Variants in SSPN observed in about 807,000 individuals in gnomAD.
SSPN encodes sarcospan.
A neutral mutation model predicts 19.1 loss-of-function variants in SSPN; 15 were observed. That is an observed-to-expected ratio of 0.78 (90% CI 0.52 to 1.21). The LOEUF is 1.21. Ranked by LOEUF, SSPN falls within the 50% of genes most tolerant of loss-of-function variation. SSPN has a pLI of 0.00. For missense variants in SSPN, 291 were observed against 314.0 expected, an observed-to-expected ratio of 0.93 and a Z score of 0.55; for synonymous variants, 147 against 140.3, an observed-to-expected ratio of 1.05 and a Z score of -0.34.
At chr12:26,161,489 ACTC>A (rs1944588619) in intron 1 of SSPN, among the ~76,000 whole-genome samples, 1 of 151,892 alleles carries the variant, frequency 6.6e-6, no homozygotes, top group Non-Finnish European at 1.5e-5. Flanking sequence ...CCACCACTGT[ACTC>A]CTGATCCCCA....
rs144717695 is a variant in SSPN, at chr12:26,188,041, A to G, written c.-30-36252A>G. Among the ~76,000 whole-genome samples, 143 of 152,334 alleles carry G rather than the reference A, an allele frequency of 9.4e-4. 1 individual carries two copies. The highest frequency in any genetic ancestry group is 3.3e-3 in the African/African-American group (138 of 41,570). ...GACTGATTATTGATCCACACCAGGA[A>G]ATGTTCTCCATGTTTGCATCAACTA... On this transcript the variant is annotated intron_variant, in intron 1 of 2. Coordinates refer to the SSPN transcript ENST00000538142.
chr12:26,186,442 A>T (rs1944754933), intron 1 of SSPN, among the ~76,000 whole-genome samples: 1 of 152,270 alleles, frequency 6.6e-6, no homozygotes, highest in African/African-American at 2.4e-5. Flanking sequence ...GCATTTCCTC[A>T]TATGCCAAAT....
intron 1 of SSPN, chr12:26,125,638 A>G (rs538542219): frequency 6.6e-5 from 10 of 152,302 alleles, no homozygotes; most frequent in Admixed American, 5.9e-4. Context: ...GTCGCAATCC[A>G]AGTGTCTTTC....
At chr12:26,172,767 C>CTT (rs59773537) in intron 1 of SSPN, among the ~76,000 whole-genome samples, 1 of 144,880 alleles carries the variant, frequency 6.9e-6, no homozygotes. Flanking sequence ...CTTTCTCTCT[C>CTT]TTTTTTTTTT....
At chr12:26,196,084 G>A in intron 1 of SSPN, 133 bp downstream of exon 1, 1 of 774,656 alleles carries the variant, frequency 1.3e-6, no homozygotes, top group Non-Finnish European at 1.9e-6. Flanking sequence ...TCTGCTCGGT[G>A]ACTGATGCGT....
intron 1 of SSPN, among the ~76,000 whole-genome samples, chr12:26,200,882 C>T (rs944070603): frequency 6.6e-6 from 1 of 151,158 alleles, no homozygotes; most frequent in African/African-American, 2.4e-5. Flanking sequence ...TTACATGGCC[C>T]AACTCAATCT....
At chr12:26,155,554 T>C (rs74947006) in intron 1 of SSPN, among the ~76,000 whole-genome samples, 2,138 of 152,294 alleles carry the variant, frequency 0.014, 54 homozygotes, top group African/African-American at 0.049. Flanking sequence ...AGTAATAGAC[T>C]GATGACCACT....
Position 26,230,747 on chromosome 12 carries a change from G to T in SSPN, c.403G>T (p.Val135Phe), listed in dbSNP as rs189138467. ...YFLLSALGLT[V>F]CVLAVAFAAH... Reference sequence around the variant, plus strand: ...TCTGCTGAGTGCCCTGGGCCTGACGGTCTGTGTGCTGGCCGTGGCCTTTGC... The same window carrying T: ...TCTGCTGAGTGCCCTGGGCCTGACGTTCTGTGTGCTGGCCGTGGCCTTTGC... Residue 135 changes from valine to phenylalanine, a missense_variant, in exon 3 of 3, where the codon GTC becomes TTC. By Grantham distance (50) the Val-to-Phe change is conservative. Around this residue, in one of 3 missense-constraint regions of SSPN, gnomAD observed 141 missense variants for 166.7 expected, o/e 0.85. Transcript: ENST00000242729. The T allele has an allele frequency of 1.7e-5, 27 of 1,614,142 alleles. No individual in the cohort carries two copies. The East Asian group carries it at 5.6e-4, about 33-fold the overall frequency.
chr12:26,166,428 A>T (rs987676693), intron 1 of SSPN, among the ~76,000 whole-genome samples: 1 of 152,238 alleles, frequency 6.6e-6, no homozygotes, highest in African/African-American at 2.4e-5. Flanking sequence ...GAAAGGAACC[A>T]TCAAAATTAC....
intron 1 of SSPN, 82 bp downstream of exon 1, chr12:26,196,033 C>A: frequency 2.6e-6 from 3 of 1,134,294 alleles, no homozygotes; most frequent in Non-Finnish European, 3.5e-6. Flanking sequence ...ACTAACCCAG[C>A]TGCATGTGCC....
intron 1 of SSPN, chr12:26,122,937 G>A (rs918865287): frequency 1.3e-6 from 2 of 1,552,946 alleles, no homozygotes. Flanking sequence ...GGCGGCCGAG[G>A]GAGCGCCGGT....
At chr12:26,162,880 T>A (rs1015737954) in intron 1 of SSPN, among the ~76,000 whole-genome samples, 2 of 152,220 alleles carry the variant, frequency 1.3e-5, no homozygotes, top group Non-Finnish European at 2.9e-5. Flanking sequence ...TAAGTTAATA[T>A]GTTGCCTGAA....
At position 26,124,286 on chromosome 12, in the gene SSPN, T is replaced by C. The variant is rs975343357; in HGVS notation, c.-31+2134T>C. 2.5e-5 allele frequency: 13 copies of C among 526,934 alleles called. No homozygotes were observed. In the African/African-American group the frequency reaches 2.9e-4, roughly 12 times the overall value. 32.6% of individuals were successfully genotyped at this position (526,934 alleles called of 1,614,324 possible). A position where few individuals can be genotyped will look rare whatever the true frequency, so the allele number is the denominator to read the frequency against. On this transcript the variant is annotated intron_variant, in intron 1 of 2. Transcript: ENST00000538142. ...CGCCCCCCCACCATAAAACATACTA[T>C]GTGATAAACTACACCCAAGAAACCT...
Position 26,233,372 on chromosome 12 carries a change from A to G in SSPN, c.*2296A>G, listed in dbSNP as rs1032036697. Reference sequence around the variant, plus strand: ...TATACACATACACACACACACACACATATATACTATACATATATAAAATGG... The same window carrying G: ...TATACACATACACACACACACACACGTATATACTATACATATATAAAATGG... On this transcript the variant is annotated 3_prime_UTR_variant, in exon 3 of 3. Coordinates refer to ENST00000242729, the MANE Select transcript of SSPN (RefSeq NM_005086.5). This position sits in a 1 kb window ranked among gnomAD's most constrained non-coding sequence, Gnocchi z 4.3. 6.6e-6 allele frequency: 1 copy of G among 151,602 alleles called. No individual in the cohort carries two copies. Among genetic ancestry groups the G allele is most frequent in the African/African-American group, 2.4e-5 (1 of 41,138 alleles). The allele number at this position is 151,602 out of a possible 1,614,324, so 9.4% of individuals were successfully genotyped here.
intron 1 of SSPN, among the ~76,000 whole-genome samples, chr12:26,222,105 G>A (rs530113304): frequency 6.6e-6 from 1 of 152,214 alleles, no homozygotes; most frequent in Admixed American, 6.5e-5. Flanking sequence ...GCCTCCCTGG[G>A]TCCTATCTGT....
At chr12:26,174,606 C>T (rs999635317) in intron 1 of SSPN, among the ~76,000 whole-genome samples, 5 of 152,042 alleles carry the variant, frequency 3.3e-5, no homozygotes, top group Admixed American at 6.5e-5. Context: ...CTGCAACCTC[C>T]GCCTCCCAGG....
intron 1 of SSPN, among the ~76,000 whole-genome samples, chr12:26,172,337 G>A (rs911912496): frequency 9.2e-5 from 14 of 152,076 alleles, no homozygotes; most frequent in African/African-American, 2.7e-4. Context: ...CCTTTACCCC[G>A]TCACTCCCGC....
At chr12:26,132,340 C>A (rs1217069986) in intron 1 of SSPN, among the ~76,000 whole-genome samples, 2 of 152,030 alleles carry the variant, frequency 1.3e-5, no homozygotes, top group African/African-American at 4.8e-5. Context: ...ACGTTGTCTT[C>A]AATAAGTTTA....
intron 1 of SSPN, among the ~76,000 whole-genome samples, chr12:26,210,204 A>T (rs1944970474): frequency 6.6e-6 from 1 of 152,040 alleles, no homozygotes; most frequent in South Asian, 2.1e-4. Flanking sequence ...CACACACTAC[A>T]CAGTGGATTA....
Sources: gnomAD v4.1 joint callset for allele counts (sites outside exome capture counted in the v4.1 genomes callset) on GRCh38, gnomAD v4.1.1 for gene constraint, gnomAD v4.1.1 regional missense constraint, Gnocchi (gnomAD v3.1) non-coding constraint, MANE v1.5 for transcripts, NCBI Gene and HGNC (gene_info 2026-07-23, HGNC 2026-07-21) for gene names.